PDE1A: variants seen among roughly 807,000 people sequenced by gnomAD.
The protein encoded by PDE1A is dual specificity calcium/calmodulin-dependent 3',5'-cyclic nucleotide phosphodiesterase 1A.
A neutral mutation model predicts 61.7 loss-of-function variants in PDE1A; 35 were observed. The observed-to-expected ratio is 0.57, with a 90% CI of 0.43 to 0.75. PDE1A has a LOEUF of 0.75. Ranked by LOEUF, PDE1A falls within the 30% of genes least tolerant of loss-of-function variation. The pLI is 0.00. For missense variants in PDE1A, 597 were observed against 630.6 expected, an observed-to-expected ratio of 0.95 and a Z score of 0.57; for synonymous variants, 232 against 213.2, an observed-to-expected ratio of 1.09 and a Z score of -0.77.
the PDE1A span, among the ~76,000 whole-genome samples, chr2:182,573,907 A>G: frequency 6.9e-6 from 1 of 145,524 alleles, no homozygotes; most frequent in South Asian, 2.1e-4. Context: ...GTATATTTAT[A>G]TATTATATAT....
intron 13 of PDE1A, among the ~76,000 whole-genome samples, chr2:182,169,988 T>TCA (rs935935718): frequency 7.4e-6 from 1 of 134,282 alleles, no homozygotes; most frequent in African/African-American, 2.8e-5. Flanking sequence ...ACACACACAC[T>TCA]CACACACACA....
chr2:182,601,602 G>C, the PDE1A span, among the ~76,000 whole-genome samples: 948 of 152,332 alleles, frequency 6.2e-3, 7 homozygotes, highest in South Asian at 0.02. Context: ...GGGTGAGCAA[G>C]ATGAAGAGAA....
At chr2:182,284,306 T>A (rs1694018070) in intron 1 of PDE1A, among the ~76,000 whole-genome samples, 1 of 152,134 alleles carries the variant, frequency 6.6e-6, no homozygotes, top group Admixed American at 6.6e-5. Flanking sequence ...AAATCTTAAA[T>A]GCAAAATAAC....
At chr2:182,318,664 C>T (rs111986487) in intron 1 of PDE1A, among the ~76,000 whole-genome samples, 1,674 of 152,266 alleles carry the variant, frequency 0.011, 26 homozygotes, top group South Asian at 0.07. Flanking sequence ...AGGACCACAG[C>T]TGCTGCCAAA....
chr2:182,535,152 T>C, the PDE1A span, among the ~76,000 whole-genome samples: 2 of 152,100 alleles, frequency 1.3e-5, no homozygotes, highest in Non-Finnish European at 2.9e-5. Context: ...TATTTTTATG[T>C]AAGTCCTACA....
At chr2:182,299,605 T>C (rs1017598485) in intron 1 of PDE1A, among the ~76,000 whole-genome samples, 1 of 151,492 alleles carries the variant, frequency 6.6e-6, no homozygotes, top group Admixed American at 6.6e-5. Flanking sequence ...AGTCAAATAC[T>C]ACAAATTTAA....
the PDE1A span, among the ~76,000 whole-genome samples, chr2:182,538,059 T>C: frequency 1.3e-5 from 2 of 152,192 alleles, no homozygotes; most frequent in Non-Finnish European, 2.9e-5. Flanking sequence ...ACTGGCCTTT[T>C]TTCTATGCCT....
At chr2:182,667,678 T>C in the PDE1A span, among the ~76,000 whole-genome samples, 1 of 152,172 alleles carries the variant, frequency 6.6e-6, no homozygotes, top group Non-Finnish European at 1.5e-5. Flanking sequence ...AAGGACCAGA[T>C]TGTAAATATT....
At position 182,257,948 on chromosome 2, in the gene PDE1A, A is replaced by G. The variant is rs552997469; in HGVS notation, c.167+6353T>C. Among the ~76,000 whole-genome samples, 6 of 152,310 alleles carry G rather than the reference A, an allele frequency of 3.9e-5. No homozygotes were observed. In the South Asian group the frequency reaches 1.2e-3, roughly 32 times the overall value. ...TTTGGGGGGCCGAGGCGGGCAGATCACGAGGTCAGGAGATCGAGACCACCC... is the reference window on the plus strand; with the variant it reads ...TTTGGGGGGCCGAGGCGGGCAGATCGCGAGGTCAGGAGATCGAGACCACCC... On this transcript the variant is annotated intron_variant, in intron 2 of 13. Transcript: ENST00000351439.
intron 2 of PDE1A, among the ~76,000 whole-genome samples, chr2:182,260,609 TAAC>T (rs1177329636): frequency 6.6e-6 from 1 of 152,208 alleles, no homozygotes; most frequent in Non-Finnish European, 1.5e-5. Flanking sequence ...GGTAAATGTT[TAAC>T]AACAGACTCT....
the PDE1A span, among the ~76,000 whole-genome samples, chr2:182,534,952 T>C: frequency 6.6e-6 from 1 of 152,114 alleles, no homozygotes; most frequent in East Asian, 1.9e-4. Flanking sequence ...GAAATTTACC[T>C]GTGTTTAAAT....
intron 1 of PDE1A, among the ~76,000 whole-genome samples, chr2:182,335,623 T>A (rs1216681658): frequency 6.6e-6 from 1 of 152,164 alleles, no homozygotes; most frequent in African/African-American, 2.4e-5. Flanking sequence ...TAACTCAAGA[T>A]GGATTAAAGA....
At chr2:182,643,644 C>G in the PDE1A span, among the ~76,000 whole-genome samples, 1 of 152,142 alleles carries the variant, frequency 6.6e-6, no homozygotes, top group Non-Finnish European at 1.5e-5. Flanking sequence ...AGAGAAAGCT[C>G]TCTCACCAGA....
At chr2:182,197,341 C>T (rs532170814) in intron 10 of PDE1A, among the ~76,000 whole-genome samples, 1 of 148,512 alleles carries the variant, frequency 6.7e-6, no homozygotes. Flanking sequence ...AATATTTTCT[C>T]TCAGTCTATG....
the PDE1A span, among the ~76,000 whole-genome samples, chr2:182,679,461 A>T: frequency 6.7e-6 from 1 of 148,796 alleles, no homozygotes; most frequent in Non-Finnish European, 1.5e-5. Flanking sequence ...TCAGCCTCCC[A>T]AAGTGCTGAG....
At chr2:182,542,216 T>G in the PDE1A span, among the ~76,000 whole-genome samples, 1 of 152,180 alleles carries the variant, frequency 6.6e-6, no homozygotes, top group Non-Finnish European at 1.5e-5. Context: ...TACTTTAAGT[T>G]AAAAATCTAA....
the PDE1A span, among the ~76,000 whole-genome samples, chr2:182,681,582 A>T: frequency 6.6e-6 from 1 of 152,154 alleles, no homozygotes; most frequent in African/African-American, 2.4e-5. Flanking sequence ...AATTAAAAAA[A>T]AAAAAAAAAC....
intron 1 of PDE1A, among the ~76,000 whole-genome samples, chr2:182,393,184 A>T (rs1701516570): frequency 6.6e-6 from 1 of 152,222 alleles, no homozygotes; most frequent in African/African-American, 2.4e-5. Flanking sequence ...ATCTAGGCAG[A>T]GGTTCCCAAA....
intron 11 of PDE1A, among the ~76,000 whole-genome samples, chr2:182,187,693 G>C (rs201437968): frequency 6.7e-6 from 1 of 149,136 alleles, no homozygotes; most frequent in East Asian, 2.0e-4. Flanking sequence ...AGTGTTAATT[G>C]ACCACCTAGG....
Sources: allele counts gnomAD v4.1 joint callset (sites outside exome capture counted in the v4.1 genomes callset), GRCh38; gene constraint gnomAD v4.1.1; transcripts MANE v1.5; gene names NCBI Gene and HGNC (gene_info 2026-07-23, HGNC 2026-07-21).